Variants in GNAS observed in about 807,000 individuals in gnomAD.
GNAS encodes protein ALEX.
In GNAS, 8 loss-of-function variants were observed where a neutral mutation model predicts 54.5. That is an observed-to-expected ratio of 0.15 (90% CI 0.09 to 0.26). GNAS has a LOEUF of 0.26. GNAS is among the 10% of genes least tolerant of loss of function. GNAS has a pLI of 1.00. For synonymous variants in GNAS, 204 were observed against 191.4 expected, an observed-to-expected ratio of 1.07 and a Z score of -0.54; for missense variants, 170 against 529.8, an observed-to-expected ratio of 0.32 and a Z score of 6.67.
intron 3 of GNAS, among the ~76,000 whole-genome samples, chr20:58,902,530 C>T (rs752629137): frequency 2.0e-5 from 3 of 151,944 alleles, no homozygotes; most frequent in Non-Finnish European, 2.9e-5. Context: ...CTGAGTTAAA[C>T]TCAAGGAAAA....
upstream of GNAS, chr20:58,889,137 C>T (rs1469506440): frequency 8.3e-7 from 1 of 1,200,272 alleles, no homozygotes. Flanking sequence ...GCTGGGGCGT[C>T]ATCGGGGCCG....
intron 3 of GNAS, among the ~76,000 whole-genome samples, chr20:58,901,262 A>G (rs1569008743): frequency 1.3e-5 from 2 of 152,204 alleles, no homozygotes; most frequent in African/African-American, 4.8e-5. Context: ...CTTTTAATTT[A>G]TAACATCTAA....
At position 58,910,253 on chromosome 20, in the gene GNAS, C is replaced by T. The variant is rs1046237123; in HGVS notation, c.971-81C>T. 1.4e-5 allele frequency: 18 copies of T among 1,289,642 alleles called. No homozygotes were observed. The African/African-American group carries it at 2.5e-4, about 18-fold the overall frequency. 79.9% of individuals were successfully genotyped at this position (1,289,642 alleles called of 1,614,324 possible). ...TATGGAAAAATCAGGGTTTTGAAGA[C>T]TTCAGGAGCTACAGAGATGCTAGCA... On this transcript the variant is annotated intron_variant, in intron 11 of 12. Transcript: ENST00000371085. The surrounding 1 kb of genome is among the most constrained non-coding windows in gnomAD (Gnocchi z 5.8).
rs777245980 is a variant in GNAS at position 58,853,656 on chromosome 20, C to T, written c.43+12770C>T. On this transcript the variant is annotated intron_variant, in intron 1 of 12. Transcript: ENST00000306090. The surrounding 1 kb of genome is among the most constrained non-coding windows in gnomAD (Gnocchi z 4.4). Reference sequence around the variant, plus strand: ...ATTCCCCAGTGGGGTCCATGCAGGCCTTGAGGCCTTCGGCCCAGCACTCAT... The same window carrying T: ...ATTCCCCAGTGGGGTCCATGCAGGCTTTGAGGCCTTCGGCCCAGCACTCAT... The T allele has an allele frequency of 6.2e-7, 1 of 1,613,488 alleles. No individual in the cohort carries two copies. The highest frequency in any genetic ancestry group is 8.5e-7 in the Non-Finnish European group (1 of 1,179,872).
At position 58,854,050 on chromosome 20, in the gene GNAS, G is replaced by T; in HGVS notation, c.43+13164G>T. 1 of 1,611,070 alleles carries T rather than the reference G, an allele frequency of 6.2e-7. No individual in the cohort carries two copies. The highest frequency in any genetic ancestry group is 1.1e-5 in the South Asian group (1 of 90,980). On this transcript the variant is annotated intron_variant, in intron 1 of 12. Transcript: ENST00000306090. ...CAGTTCGCGGCAGTCGCGGCCTCGAGTGCGGTCCGCCTCACTCCCGCCGCG... is the reference window on the plus strand; with the variant it reads ...CAGTTCGCGGCAGTCGCGGCCTCGATTGCGGTCCGCCTCACTCCCGCCGCG...
rs1225542550 is a variant in GNAS, at chr20:58,840,978, C to A, written c.43+92C>A. The stretch of plus-strand genomic sequence containing the variant: ...GTGAGAAGGAAAGGCAGGTCAGGGG[C>A]GAGTGGGAAGAGAGGAGGCTCAGCT... On this transcript the variant is annotated intron_variant, in intron 1 of 12. Coordinates refer to the GNAS transcript ENST00000306090. The surrounding 1 kb of genome is among the most constrained non-coding windows in gnomAD (Gnocchi z 6.0). The A allele has an allele frequency of 1.3e-5, 18 of 1,364,980 alleles. No homozygotes were observed. The highest frequency in any genetic ancestry group is 3.1e-6 in the Non-Finnish European group (3 of 979,322). The allele number at this position is 1,364,980 out of a possible 1,614,324, so 84.6% of individuals were successfully genotyped here.
At chr20:58,890,329 C>T (rs896405497), upstream of GNAS, among the ~76,000 whole-genome samples, 1 of 150,942 alleles carries the variant, frequency 6.6e-6, no homozygotes, top group Non-Finnish European at 1.5e-5. Context: ...GAGGAGGGCG[C>T]CGCCGCCGGG....
chr20:58,840,033 G>A, upstream of GNAS: 2 of 1,544,164 alleles, frequency 1.3e-6, no homozygotes, highest in Non-Finnish European at 1.8e-6. The surrounding 1 kb of genome is among the most constrained non-coding windows in gnomAD (Gnocchi z 6.0). Flanking sequence ...CCCGGCTCCA[G>A]CAGCCAATGT....
chr20:58,909,506 C>A lies in GNAS; in HGVS notation c.660-15C>A, dbSNP rs755766644. 1.1e-4 allele frequency: 185 copies of A among 1,613,774 alleles called. No homozygotes were observed. Among genetic ancestry groups the A allele is most frequent in the Non-Finnish European group, 1.5e-4 (182 of 1,179,784 alleles). On this transcript the variant is annotated splice_polypyrimidine_tract_variant and intron_variant, in intron 8 of 12. Transcript: ENST00000371085. The surrounding 1 kb of genome is among the most constrained non-coding windows in gnomAD (Gnocchi z 7.3). Reference sequence around the variant, plus strand: ...CAGTCCCTCTGGAATAACCAGCTGTCCTCCTCCCCACCAGCATGTTTGACG... The same window carrying A: ...CAGTCCCTCTGGAATAACCAGCTGTACTCCTCCCCACCAGCATGTTTGACG...
chr20:58,906,592 T>A (rs1016932601), intron 6 of GNAS, among the ~76,000 whole-genome samples: 1 of 152,160 alleles, frequency 6.6e-6, no homozygotes, highest in Admixed American at 6.5e-5. Context: ...AGTGCAGTGG[T>A]GCGACCTTGG....
At chr20:58,898,848 C>A in intron 2 of GNAS, 93 bp from the exon 3 acceptor site, 1 of 1,122,572 alleles carries the variant, frequency 8.9e-7, no homozygotes, top group Non-Finnish European at 1.4e-6. Flanking sequence ...TTGCTCTTGG[C>A]TGATGGTTGA....
At chr20:58,889,169 CGGG>C, upstream of GNAS, 1 of 1,214,990 alleles carries the variant, frequency 8.2e-7, no homozygotes, top group South Asian at 1.4e-5. Flanking sequence ...TGCTCCCCGG[CGGG>C]GACACTCAGT....
rs1024189770 is a variant in GNAS at position 58,841,755 on chromosome 20, G to A, written c.43+869G>A. On this transcript the variant is annotated intron_variant, in intron 1 of 12. Transcript: ENST00000306090. The surrounding 1 kb of genome is among the most constrained non-coding windows in gnomAD (Gnocchi z 5.0). ...AACGCACAGGCATGGTCACGTCGGG[G>A]TATTGCCAAGCTTTTGGCGCAGCTG... is the stretch of plus-strand genomic sequence containing the variant. 39 of 1,229,418 alleles carry A rather than the reference G, an allele frequency of 3.2e-5. No individual in the cohort carries two copies. The highest frequency in any genetic ancestry group is 3.8e-5 in the Non-Finnish European group (38 of 987,070). The allele number at this position is 1,229,418 out of a possible 1,614,324, so 76.2% of individuals were successfully genotyped here.
intron 1 of GNAS, among the ~76,000 whole-genome samples, chr20:58,885,341 A>G (rs968017325): frequency 1.3e-5 from 2 of 152,244 alleles, no homozygotes; most frequent in African/African-American, 4.8e-5. Context: ...TAGATGTTTG[A>G]ACAGCATCTC....
intron 1 of GNAS, among the ~76,000 whole-genome samples, chr20:58,866,439 C>T (rs977695170): frequency 6.6e-6 from 1 of 152,160 alleles, no homozygotes; most frequent in Non-Finnish European, 1.5e-5. Flanking sequence ...AAAGTGGACA[C>T]CCCCTTCTCC....
In GNAS at chr20:58,910,884, A is replaced by G; in HGVS notation, c.*55A>G. ...TTAAGCACAATTAATTAAAAGTGAA[A>G]CGTAATTGTACAAGCAGTTAATCAC... On this transcript the variant is annotated 3_prime_UTR_variant, in exon 13 of 13. Coordinates refer to ENST00000371085, the MANE Select transcript of GNAS (RefSeq NM_000516.7). The surrounding 1 kb of genome is among the most constrained non-coding windows in gnomAD (Gnocchi z 5.8). The G allele has an allele frequency of 6.5e-7, 1 of 1,529,686 alleles. No homozygotes were observed. Among genetic ancestry groups the G allele is most frequent in the Non-Finnish European group, 9.0e-7 (1 of 1,105,382 alleles). 94.8% of individuals were successfully genotyped at this position (1,529,686 alleles called of 1,614,324 possible).
At chr20:58,892,724 C>T (rs1427871199) in intron 1 of GNAS, among the ~76,000 whole-genome samples, 1 of 151,914 alleles carries the variant, frequency 6.6e-6, no homozygotes, top group Non-Finnish European at 1.5e-5. Flanking sequence ...ATAAGACCAC[C>T]CCCCAACACC....
chr20:58,840,181 C>T, upstream of GNAS: 1 of 1,611,448 alleles, frequency 6.2e-7, no homozygotes, highest in Admixed American at 1.7e-5. This position sits in a 1 kb window ranked among gnomAD's most constrained non-coding sequence, Gnocchi z 6.0. Flanking sequence ...CGCCCATAGG[C>T]CGCCGGGCAG....
chr20:58,864,446 C>T (rs2086931280), intron 1 of GNAS, among the ~76,000 whole-genome samples: 2 of 152,144 alleles, frequency 1.3e-5, no homozygotes, highest in Non-Finnish European at 2.9e-5. Context: ...GCTGAATTCA[C>T]TTATTAATTA....
Sources: gnomAD v4.1 joint callset for allele counts (sites outside exome capture counted in the v4.1 genomes callset) on GRCh38, gnomAD v4.1.1 for gene constraint, Gnocchi (gnomAD v3.1) non-coding constraint, MANE v1.5 for transcripts, NCBI Gene and HGNC (gene_info 2026-07-23, HGNC 2026-07-21) for gene names.